The following LETMD1 variants were observed in gnomAD, a reference collection of about 807,000 sequenced individuals.
The protein encoded by LETMD1 is LETM1 domain-containing protein 1.
A neutral mutation model predicts 43.9 loss-of-function variants in LETMD1; 30 were observed. The observed-to-expected ratio is 0.68, with a 90% CI of 0.51 to 0.93. LETMD1 has a LOEUF of 0.93. Among genes scored for constraint, LETMD1 ranks in the 40% least tolerant of loss-of-function variants. The pLI is 0.00. For missense variants in LETMD1, 413 were observed against 447.7 expected (o/e 0.92, Z 0.70); for synonymous variants, 176 against 163.1 (o/e 1.08, Z -0.60).
Position 51,048,328 on chromosome 12 carries a change from T to TCTTCTCTCCCG in LETMD1, c.-20_-10dup, listed in dbSNP as rs1944887619. ...GGTTAACTTTGACCCAAAGACAACC[T>TCTTCTCTCCCG]CTTCTCTCCCGCTTCTCTCGCTGTG... On this transcript the variant is annotated 5_prime_UTR_variant, in exon 1 of 9. Transcript: ENST00000262055. 6.2e-7 allele frequency: 1 copy of TCTTCTCTCCCG among 1,613,894 alleles called. No homozygotes were observed. The highest frequency in any genetic ancestry group is 1.3e-5 in the African/African-American group (1 of 74,988).
At chr12:51,057,358 A>G (rs1376322913) in intron 7 of LETMD1, 2 of 152,100 alleles carry the variant, frequency 1.3e-5, no homozygotes, top group African/African-American at 4.8e-5. Flanking sequence ...TGGCCTTTCA[A>G]AGTGTTGGGA....
At chr12:51,051,983 T>G in intron 2 of LETMD1, 109 bp from the exon 3 acceptor site, 2 of 891,318 alleles carry the variant, frequency 2.2e-6, no homozygotes, top group Non-Finnish European at 3.4e-6. Flanking sequence ...TTGAGTATCG[T>G]TGGGGAGGGG....
At chr12:51,050,362 A>G (rs1945690801) in intron 2 of LETMD1, among the ~76,000 whole-genome samples, 1 of 151,710 alleles carries the variant, frequency 6.6e-6, no homozygotes. Context: ...AGCTGGGAAT[A>G]CAGGCGCCTG....
At chr12:51,063,579 T>C, downstream of LETMD1, 1 of 569,462 alleles carries the variant, frequency 1.8e-6, no homozygotes, top group Non-Finnish European at 3.0e-6. Context: ...TTGGTACTGT[T>C]TCCCTTTTAA....
chr12:51,063,812 C>G, downstream of LETMD1: 5 of 1,610,124 alleles, frequency 3.1e-6, no homozygotes, highest in Middle Eastern at 5.0e-4. Context: ...GCTGGGAGGT[C>G]TTCACCATCC....
At chr12:51,049,298 C>T in intron 2 of LETMD1, 113 bp downstream of exon 2, 1 of 899,476 alleles carries the variant, frequency 1.1e-6, no homozygotes, top group Non-Finnish European at 1.7e-6. Context: ...GCCGAGATAT[C>T]TTATATTTCA....
At chr12:51,057,247 A>G (rs1947993990) in intron 7 of LETMD1, among the ~76,000 whole-genome samples, 1 of 151,824 alleles carries the variant, frequency 6.6e-6, no homozygotes, top group Admixed American at 6.6e-5. Flanking sequence ...AAAAAAACCC[A>G]AAAAATAAAA....
At chr12:51,053,527 C>T (rs1050729952) in intron 3 of LETMD1, among the ~76,000 whole-genome samples, 26 of 152,134 alleles carry the variant, frequency 1.7e-4, no homozygotes, top group African/African-American at 5.3e-4. Flanking sequence ...CCAATAATCC[C>T]AGCTACTCGG....
rs370522240 is a variant in LETMD1, at chr12:51,049,189, A to T, written c.274+4A>T. 6.8e-6 allele frequency: 11 copies of T among 1,607,866 alleles called. No individual in the cohort carries two copies. The highest frequency in any genetic ancestry group is 9.3e-6 in the Non-Finnish European group (11 of 1,176,788). On this transcript the variant is annotated splice_donor_region_variant and intron_variant, in intron 2 of 8. Coordinates refer to ENST00000262055, the MANE Select transcript of LETMD1 (RefSeq NM_015416.5). Reference sequence around the variant, plus strand: ...CTGTACACAATCTTCATGAAAGGTAAAAACGAAACTACAATAGAAATTCCG... The same window carrying T: ...CTGTACACAATCTTCATGAAAGGTATAAACGAAACTACAATAGAAATTCCG...
chr12:51,056,679 G>C, intron 7 of LETMD1, 177 bp downstream of exon 7: 1 of 534,850 alleles, frequency 1.9e-6, no homozygotes, highest in Non-Finnish European at 3.1e-6. Flanking sequence ...TTTTGAGACA[G>C]AGTCTCATTC....
At chr12:51,056,528 C>T in intron 7 of LETMD1, 26 bp downstream of exon 7, 1 of 1,613,796 alleles carries the variant, frequency 6.2e-7, no homozygotes, top group Non-Finnish European at 8.5e-7. Flanking sequence ...CAACATCAAC[C>T]CTCAACCCTT....
At position 51,048,365 on chromosome 12, in the gene LETMD1, C is replaced by T. The variant is rs568004834; in HGVS notation, c.9C>T (p.Leu3=). The change falls in exon 1 of 9, where the codon CTC becomes CTT. Residue 3 remains leucine, a synonymous_variant. Transcript: ENST00000262055. ...CTTCTCTCGCTGTGAAGATGGCGCT[C>T]TCCAGGGTGTGCTGGGCTCGGTCGG... is the stretch of plus-strand genomic sequence containing the variant. MA[L]SRVCWARSAV... The T allele has an allele frequency of 4.3e-6, 7 of 1,614,120 alleles. No homozygotes were observed. In the South Asian group the frequency reaches 4.4e-5, roughly 10 times the overall value.
chr12:51,066,045 C>G, the LETMD1 span, among the ~76,000 whole-genome samples: 1 of 152,150 alleles, frequency 6.6e-6, no homozygotes, highest in African/African-American at 2.4e-5. Flanking sequence ...AGGGGCCAGG[C>G]ACGGTGGCTC....
At chr12:51,048,307 A>G, upstream of LETMD1, 1 of 1,613,160 alleles carries the variant, frequency 6.2e-7, no homozygotes, top group Non-Finnish European at 8.5e-7. Flanking sequence ...ACGTACGGTT[A>G]ACTTTGACCC....
chr12:51,049,439 CTTA>C, intron 2 of LETMD1: 1 of 385,104 alleles, frequency 2.6e-6, no homozygotes, highest in Non-Finnish European at 4.7e-6. Context: ...CTCGTACTTT[CTTA>C]ACCACACACC....
Position 51,056,019 on chromosome 12 carries a change from A to G in LETMD1, c.658A>G (p.Lys220Glu), listed in dbSNP as rs1375409056. 6.2e-7 allele frequency: 1 copy of G among 1,613,516 alleles called. No homozygotes were observed. Among genetic ancestry groups the G allele is most frequent in the East Asian group, 2.2e-5 (1 of 44,884 alleles). ...GTGGCGTCTGACAGATCTGTGCACC[A>G]AGGTATTCCTGCAGTTAACCCTTCC... ...LRWRLTDLCT[K>E]IQRGTHPAIH... Residue 220 changes from lysine (K) to glutamate (E), a missense_variant and splice_region_variant, in exon 5 of 9, where the codon AAG (lysine) becomes GAG (glutamate). Physicochemically the swap from Lys to Glu is moderately conservative, Grantham distance 56. Coordinates refer to ENST00000262055, the MANE Select transcript of LETMD1 (RefSeq NM_015416.5).
chr12:51,064,923 G>A (rs1937974733), downstream of LETMD1, among the ~76,000 whole-genome samples: 1 of 152,154 alleles, frequency 6.6e-6, no homozygotes, highest in Non-Finnish European at 1.5e-5. Context: ...TCTCTCTAGG[G>A]CTTTGTTTCC....
At position 51,059,481 on chromosome 12, in the gene LETMD1, T is replaced by C; in HGVS notation, c.*50T>C. On this transcript the variant is annotated 3_prime_UTR_variant, in exon 9 of 9. Coordinates refer to ENST00000262055, the MANE Select transcript of LETMD1 (RefSeq NM_015416.5). The stretch of plus-strand genomic sequence containing the variant: ...GTCCTGCAGTCGTATAGTATAGCAG[T>C]GCAGGAACAAACAGCACTTGCCAGC... 6.5e-7 allele frequency: 1 copy of C among 1,537,998 alleles called. No individual in the cohort carries two copies. The highest frequency in any genetic ancestry group is 9.0e-7 in the Non-Finnish European group (1 of 1,110,878).
At chr12:51,048,542 C>T in intron 1 of LETMD1, 64 bp downstream of exon 1, 1 of 1,583,904 alleles carries the variant, frequency 6.3e-7, no homozygotes, top group Non-Finnish European at 8.6e-7. Flanking sequence ...CTCAACCTTG[C>T]TTGCATTCTG....
Sources: allele counts gnomAD v4.1 joint callset (sites outside exome capture counted in the v4.1 genomes callset), GRCh38; gene constraint gnomAD v4.1.1; transcripts MANE v1.5; gene names NCBI Gene and HGNC (gene_info 2026-07-23, HGNC 2026-07-21).